NPAS3: variants seen among roughly 807,000 people sequenced by gnomAD.
NPAS3 encodes neuronal PAS domain-containing protein 3.
In NPAS3, 14 loss-of-function variants were observed where a neutral mutation model predicts 73.1. The ratio of observed to expected loss-of-function variants is 0.19; its 90% CI spans 0.13 to 0.30. The LOEUF (loss-of-function observed/expected upper bound fraction) is 0.30. Ranked by LOEUF, NPAS3 falls within the 10% of genes least tolerant of loss-of-function variation. The pLI, the probability that NPAS3 is intolerant of heterozygous loss-of-function variation, is 1.00. For missense variants in NPAS3, 1,096 were observed against 1,250.0 expected (o/e 0.88, Z 1.86); for synonymous variants, 620 against 541.5 (o/e 1.14, Z -2.01).
intron 5 of NPAS3, among the ~76,000 whole-genome samples, chr14:33,606,562 G>A (rs1378463858): frequency 6.6e-6 from 1 of 152,032 alleles, no homozygotes; most frequent in Non-Finnish European, 1.5e-5. Flanking sequence ...AAAACCCTTT[G>A]ATCCATACCA....
At chr14:33,461,182 G>A (rs910397831) in intron 4 of NPAS3, among the ~76,000 whole-genome samples, 2 of 152,272 alleles carry the variant, frequency 1.3e-5, no homozygotes, top group African/African-American at 2.4e-5. Context: ...TAGAATCATG[G>A]AATAATCTCA....
At chr14:33,166,968 T>C (rs2045184177) in intron 2 of NPAS3, among the ~76,000 whole-genome samples, 2 of 152,176 alleles carry the variant, frequency 1.3e-5, no homozygotes, top group Non-Finnish European at 2.9e-5. Context: ...TGCTCCTGGA[T>C]TTCCTTTTAA....
intron 4 of NPAS3, among the ~76,000 whole-genome samples, chr14:33,396,559 A>G (rs2047230539): frequency 6.6e-6 from 1 of 152,156 alleles, no homozygotes; most frequent in Non-Finnish European, 1.5e-5. Flanking sequence ...TAGCTGCTGA[A>G]AAATCCTCAC....
chr14:33,016,929 C>T (rs879274270), intron 1 of NPAS3, among the ~76,000 whole-genome samples: 1 of 152,082 alleles, frequency 6.6e-6, no homozygotes, highest in Non-Finnish European at 1.5e-5. Context: ...GAGAAAGAAA[C>T]ACTACTAAAT....
downstream of NPAS3, chr14:33,801,158 G>A (rs200598432): frequency 2.0e-6 from 3 of 1,535,444 alleles, no homozygotes; most frequent in African/African-American, 2.8e-5. Context: ...AGGAGGCATC[G>A]TCGGCATTTT....
intron 2 of NPAS3, among the ~76,000 whole-genome samples, chr14:33,093,988 G>A (rs1170043563): frequency 6.6e-6 from 1 of 152,030 alleles, no homozygotes; most frequent in East Asian, 1.9e-4. Context: ...GGAAGGGGGA[G>A]GGATAGCATT....
intron 3 of NPAS3, among the ~76,000 whole-genome samples, chr14:33,280,605 A>T (rs1475153702): frequency 6.6e-6 from 1 of 152,204 alleles, no homozygotes; most frequent in African/African-American, 2.4e-5. Flanking sequence ...TATGTGGATT[A>T]TATAACATAG....
intron 6 of NPAS3, among the ~76,000 whole-genome samples, chr14:33,712,326 G>C (rs545530870): frequency 1.3e-5 from 2 of 152,264 alleles, no homozygotes; most frequent in South Asian, 4.1e-4. Context: ...TAACTGATCT[G>C]TATTCTATAA....
intron 1 of NPAS3, among the ~76,000 whole-genome samples, chr14:33,032,217 T>C (rs73266773): frequency 0.025 from 3,853 of 152,288 alleles, 169 homozygotes; most frequent in African/African-American, 0.088. Flanking sequence ...ACTGAACATT[T>C]GACTTAGTTC....
intron 4 of NPAS3, among the ~76,000 whole-genome samples, chr14:33,423,893 C>T (rs1003441394): frequency 6.6e-6 from 1 of 151,886 alleles, no homozygotes; most frequent in Non-Finnish European, 1.5e-5. Context: ...ACCTGTCTAC[C>T]TACCTCCTTC....
intron 2 of NPAS3, among the ~76,000 whole-genome samples, chr14:33,097,626 A>G (rs1187184021): frequency 6.6e-6 from 1 of 152,232 alleles, no homozygotes; most frequent in Non-Finnish European, 1.5e-5. Context: ...TGGTTGTACC[A>G]ATCAGCAATA....
At chr14:33,139,826 T>A (rs954094996) in intron 2 of NPAS3, among the ~76,000 whole-genome samples, 1 of 152,166 alleles carries the variant, frequency 6.6e-6, no homozygotes, top group Non-Finnish European at 1.5e-5. Context: ...AACACTTCCA[T>A]TATCACAGAA....
At chr14:33,504,574 A>T (rs1443657593) in intron 4 of NPAS3, among the ~76,000 whole-genome samples, 2 of 152,162 alleles carry the variant, frequency 1.3e-5, no homozygotes, top group African/African-American at 4.8e-5. Flanking sequence ...GTAGAATTAA[A>T]TGAATTAAAT....
intron 4 of NPAS3, among the ~76,000 whole-genome samples, chr14:33,379,536 G>C (rs2046450771): frequency 6.6e-6 from 1 of 152,028 alleles, no homozygotes; most frequent in African/African-American, 2.4e-5. Flanking sequence ...TTTGTTACCG[G>C]CATCAGCTAG....
intron 3 of NPAS3, among the ~76,000 whole-genome samples, chr14:33,235,137 A>G (rs1482243846): frequency 1.3e-5 from 2 of 152,096 alleles, no homozygotes; most frequent in East Asian, 3.9e-4. Flanking sequence ...GTTTAAAACA[A>G]TTGTATTTGA....
At position 33,800,551 on chromosome 14, in the gene NPAS3, AC is replaced by A. The variant is rs1434807149; in HGVS notation, c.2249del (p.Pro750ArgfsTer60). Reference sequence around the variant, plus strand: ...CCCCCGTCGCCTCCGACCCGCTGTCACCCCCGCTCTCGGCGTCCCCGCGGGA... The same window carrying A: ...CCCCCGTCGCCTCCGACCCGCTGTCACCCCGCTCTCGGCGTCCCCGCGGGA... On this transcript the variant is annotated frameshift_variant, in exon 12 of 12. Transcript: ENST00000356141. LOFTEE classifies it high-confidence loss of function. The surrounding 1 kb of genome is among the most constrained non-coding windows in gnomAD (Gnocchi z 6.5). 1 of 1,331,702 alleles carries A rather than the reference AC, an allele frequency of 7.5e-7. No homozygotes were observed. Among genetic ancestry groups the A allele is most frequent in the Non-Finnish European group, 9.5e-7 (1 of 1,050,110 alleles). The allele number at this position is 1,331,702 out of a possible 1,614,324, so 82.5% of individuals were successfully genotyped here.
intron 5 of NPAS3, among the ~76,000 whole-genome samples, chr14:33,663,575 G>C (rs962925174): frequency 6.6e-6 from 1 of 151,972 alleles, no homozygotes; most frequent in Non-Finnish European, 1.5e-5. Context: ...ATGAGTTAGG[G>C]AGGAGTCTCT....
upstream of NPAS3, among the ~76,000 whole-genome samples, chr14:32,936,662 A>T (rs1328544715): frequency 6.6e-6 from 1 of 152,142 alleles, no homozygotes; most frequent in Non-Finnish European, 1.5e-5. Context: ...GACCTCCGGG[A>T]ACTTGAGCTA....
At chr14:33,440,084 C>T (rs897356584) in intron 4 of NPAS3, among the ~76,000 whole-genome samples, 1 of 149,244 alleles carries the variant, frequency 6.7e-6, no homozygotes, top group Non-Finnish European at 1.5e-5. Flanking sequence ...CCACTGCACT[C>T]CAGCCTGGGC....
Sources: allele counts gnomAD v4.1 joint callset (sites outside exome capture counted in the v4.1 genomes callset), GRCh38; gene constraint gnomAD v4.1.1; non-coding constraint Gnocchi (gnomAD v3.1); transcripts MANE v1.5; gene names NCBI Gene and HGNC (gene_info 2026-07-23, HGNC 2026-07-21).